The following ACOXL variants were observed in gnomAD, a reference collection of about 807,000 sequenced individuals.
The protein encoded by ACOXL is acyl-CoA oxidase like.
A neutral mutation model predicts 71.9 loss-of-function variants in ACOXL; 70 were observed. That is an observed-to-expected ratio of 0.97 (90% CI 0.80 to 1.19). The LOEUF (loss-of-function observed/expected upper bound fraction) is 1.19, where lower values mean the gene tolerates loss of function less well. ACOXL is among the 50% of genes most tolerant of loss of function. The probability of loss-of-function intolerance (pLI) is 0.00; values close to 1 mark genes in which losing one functional copy is unlikely to be tolerated. For missense variants in ACOXL, 703 were observed against 736.3 expected (o/e 0.95, Z 0.52); for synonymous variants, 253 against 281.6 (o/e 0.90, Z 1.02).
At chr2:110,733,910 G>A (rs1676510481) in intron 1 of ACOXL, among the ~76,000 whole-genome samples, 1 of 152,126 alleles carries the variant, frequency 6.6e-6, no homozygotes, top group Non-Finnish European at 1.5e-5. Flanking sequence ...TGTTTTTATA[G>A]TAATACAAAA....
chr2:110,989,504 T>C (rs969729247), intron 13 of ACOXL, among the ~76,000 whole-genome samples: 22 of 152,222 alleles, frequency 1.4e-4, no homozygotes, highest in African/African-American at 5.3e-4. Context: ...TCAAGTTTCT[T>C]AGAAGTAAAA....
intron 12 of ACOXL, among the ~76,000 whole-genome samples, chr2:110,985,099 T>G (rs1418152069): frequency 6.6e-6 from 1 of 152,238 alleles, no homozygotes; most frequent in Non-Finnish European, 1.5e-5. Flanking sequence ...CATCATAAAT[T>G]TTATAGATTA....
Position 110,937,817 on chromosome 2 carries a change from T to C in ACOXL, c.1059+4175T>C, listed in dbSNP as rs76314511. Among the ~76,000 whole-genome samples, 46 of 152,336 alleles carry C rather than the reference T, an allele frequency of 3.0e-4. No homozygotes were observed. The East Asian group carries it at 5.4e-3, about 18-fold the overall frequency. On this transcript the variant is annotated intron_variant, in intron 12 of 17. Transcript: ENST00000439055. ...CTGGGCATGATTTTGGGCCAGTTAT[T>C]CCCACCCTATGCCTCAGTTTTTCCT...
intron 10 of ACOXL, among the ~76,000 whole-genome samples, chr2:110,866,601 G>C (rs1379123949): frequency 2.0e-5 from 3 of 152,066 alleles, no homozygotes; most frequent in Non-Finnish European, 4.4e-5. Context: ...AAATACAGGG[G>C]AGGCGCCAGT....
chr2:110,747,610 C>G (rs1253296481), intron 1 of ACOXL, among the ~76,000 whole-genome samples: 1 of 152,178 alleles, frequency 6.6e-6, no homozygotes, highest in Non-Finnish European at 1.5e-5. Flanking sequence ...GAGGTTGGGA[C>G]CCTGTGATGA....
At chr2:110,989,300 A>G (rs2063073103) in intron 13 of ACOXL, among the ~76,000 whole-genome samples, 3 of 152,062 alleles carry the variant, frequency 2.0e-5, no homozygotes, top group African/African-American at 7.2e-5. Flanking sequence ...ATCTCCGTCT[A>G]TTTGAGAGTT....
At chr2:110,937,886 G>A (rs2149357165) in intron 12 of ACOXL, among the ~76,000 whole-genome samples, 1 of 152,326 alleles carries the variant, frequency 6.6e-6, no homozygotes, top group African/African-American at 2.4e-5. Context: ...AGAGGTTGTG[G>A]GAGTTAAATT....
chr2:110,833,086 A>T (rs2105660500), intron 9 of ACOXL, among the ~76,000 whole-genome samples: 1 of 152,356 alleles, frequency 6.6e-6, no homozygotes, highest in Admixed American at 6.5e-5. Context: ...AGAGAAATGA[A>T]ACATATTTTT....
chr2:111,076,990 C>T (rs781405306), intron 16 of ACOXL, among the ~76,000 whole-genome samples: 1 of 152,130 alleles, frequency 6.6e-6, no homozygotes, highest in Non-Finnish European at 1.5e-5. Context: ...GCATTTAGGA[C>T]CTACCTGAAT....
At chr2:110,818,007 A>T in intron 9 of ACOXL, among the ~76,000 whole-genome samples, 2 of 131,410 alleles carry the variant, frequency 1.5e-5, no homozygotes, top group African/African-American at 2.9e-5. Flanking sequence ...TATACCTTTT[A>T]CTGCCATAAA....
chr2:110,768,837 G>T (rs2104993398), intron 2 of ACOXL, among the ~76,000 whole-genome samples: 1 of 151,842 alleles, frequency 6.6e-6, no homozygotes, highest in East Asian at 1.9e-4. Context: ...TTTGCTTAGA[G>T]ATTTTGTTTT....
rs950612804 is a variant in ACOXL at position 110,908,801 on chromosome 2, T to G, written c.801T>G (p.Phe267Leu). Reference protein sequence around the residue: ...AIRYSHSRRQFGPKTKEEVKI... With the variant: ...AIRYSHSRRQLGPKTKEEVKI... ...TGATTCCCTCTAGCCGGAGGCAGTT[T>G]GGGCCCAAAACCAAGGAAGAGGTGA... Residue 267 changes from phenylalanine to leucine, a missense_variant, in exon 11 of 18, where the codon TTT (phenylalanine) becomes TTG (leucine). Transcript: ENST00000439055. The G allele has an allele frequency of 1.2e-6, 2 of 1,613,918 alleles. No homozygotes were observed. The highest frequency in any genetic ancestry group is 2.7e-5 in the African/African-American group (2 of 74,926).
intron 1 of ACOXL, among the ~76,000 whole-genome samples, chr2:110,747,846 G>T (rs1678421010): frequency 6.6e-6 from 1 of 151,990 alleles, no homozygotes; most frequent in Admixed American, 6.6e-5. Flanking sequence ...CTTCCTGTCT[G>T]CTCCCTTCCA....
chr2:110,904,466 G>A (rs1262696592), intron 10 of ACOXL, among the ~76,000 whole-genome samples: 2 of 152,210 alleles, frequency 1.3e-5, no homozygotes, highest in Non-Finnish European at 2.9e-5. Context: ...TTTCCTGGGT[G>A]CATATGTCAG....
chr2:111,026,623 A>G (rs1297093733), intron 14 of ACOXL, among the ~76,000 whole-genome samples: 1 of 151,976 alleles, frequency 6.6e-6, no homozygotes, highest in Non-Finnish European at 1.5e-5. Context: ...GTTCATTGCT[A>G]GAATATAGAA....
intron 10 of ACOXL, among the ~76,000 whole-genome samples, chr2:110,866,684 G>A (rs1694625103): frequency 6.6e-6 from 1 of 152,088 alleles, no homozygotes; most frequent in Admixed American, 6.5e-5. Flanking sequence ...TTGAATGGAG[G>A]CAGAAGCTTG....
chr2:111,082,298 T>G (rs1055575198), intron 16 of ACOXL, among the ~76,000 whole-genome samples: 5 of 150,532 alleles, frequency 3.3e-5, no homozygotes, highest in African/African-American at 7.3e-5. Context: ...ACCCAGAATC[T>G]ACAAAGAACT....
intron 13 of ACOXL, among the ~76,000 whole-genome samples, chr2:110,988,293 T>C (rs1483680679): frequency 6.6e-6 from 1 of 151,980 alleles, no homozygotes; most frequent in African/African-American, 2.4e-5. Flanking sequence ...ATACAAAAAT[T>C]AGCCAGGCGT....
intron 16 of ACOXL, among the ~76,000 whole-genome samples, chr2:111,063,971 CA>C (rs1175875116): frequency 6.6e-6 from 1 of 152,138 alleles, no homozygotes; most frequent in Non-Finnish European, 1.5e-5. Context: ...AGCAGGCAGA[CA>C]AGGAAAGGAA....
Sources: gnomAD v4.1 joint callset for allele counts (sites outside exome capture counted in the v4.1 genomes callset) on GRCh38, gnomAD v4.1.1 for gene constraint, MANE v1.5 for transcripts, NCBI Gene and HGNC (gene_info 2026-07-23, HGNC 2026-07-21) for gene names.